Variants in RCC1 observed in about 807,000 individuals in gnomAD.
RCC1 encodes the protein regulator of chromosome condensation 1.
In RCC1, 11 loss-of-function variants were observed where a neutral mutation model predicts 44.4. That is an observed-to-expected ratio of 0.25 (90% confidence interval 0.16 to 0.41). The LOEUF (loss-of-function observed/expected upper bound fraction) is 0.41. Among genes scored for constraint, RCC1 ranks in the 10% least tolerant of loss-of-function variants. RCC1 has a pLI of 1.00. For synonymous variants in RCC1, 213 were observed against 216.5 expected, an observed-to-expected ratio of 0.98 and a Z score of 0.14; for missense variants, 386 against 547.1, an observed-to-expected ratio of 0.71 and a Z score of 2.94.
intron 4 of RCC1, chr1:28,526,899 A>G (rs1041633901): frequency 2.9e-4 from 45 of 156,278 alleles, no homozygotes; most frequent in Non-Finnish European, 4.2e-4. Context: ...TCCGTCTCGG[A>G]AAAAAAAAAA....
intron 3 of RCC1, among the ~76,000 whole-genome samples, chr1:28,511,824 C>A (rs1662562854): frequency 1.3e-5 from 2 of 151,138 alleles, no homozygotes; most frequent in African/African-American, 2.4e-5. Context: ...CCATGCCCGG[C>A]TAATTTTTTT....
chr1:28,536,953 T>TA lies in RCC1; in HGVS notation c.1090+55dup. On this transcript the variant is annotated intron_variant, in intron 12 of 12. Transcript: ENST00000683442. The surrounding 1 kb of genome is among the most constrained non-coding windows in gnomAD (Gnocchi z 4.9). Reference sequence around the variant, plus strand: ...GTTGGGACCTGGGGGTCATGGTTCTTACCCAATTCCCCAATAGGCTGTGAT... The same window carrying TA: ...GTTGGGACCTGGGGGTCATGGTTCTTAACCCAATTCCCCAATAGGCTGTGAT... 3.1e-6 allele frequency: 5 copies of TA among 1,595,576 alleles called. No homozygotes were observed. The highest frequency in any genetic ancestry group is 1.7e-5 in the Admixed American group (1 of 59,380).
chr1:28,512,321 G>A (rs1662612127), intron 3 of RCC1, among the ~76,000 whole-genome samples: 1 of 151,956 alleles, frequency 6.6e-6, no homozygotes, highest in Admixed American at 6.6e-5. Context: ...AGGCAGGCTG[G>A]CACCTTGATC....
intron 4 of RCC1, among the ~76,000 whole-genome samples, chr1:28,528,736 A>G (rs1663866526): frequency 6.9e-6 from 1 of 145,504 alleles, no homozygotes; most frequent in African/African-American, 2.6e-5. Context: ...CGAGGTTACC[A>G]TTGTTAATAT....
intron 4 of RCC1, among the ~76,000 whole-genome samples, chr1:28,523,525 G>A (rs1557873420): frequency 6.6e-6 from 1 of 152,136 alleles, no homozygotes; most frequent in Non-Finnish European, 1.5e-5. Context: ...GATGTTGACT[G>A]GGTTTGTTCC....
In RCC1 at chr1:28,536,658, C is replaced by G. The variant is rs991829105; in HGVS notation, c.938-89C>G. ...TCGCTCTGGGAGCAGGGACACACTC[C>G]CATGGACAGGTGGACTCACCTAGCC... On this transcript the variant is annotated intron_variant, in intron 11 of 12. Transcript: ENST00000683442. This position sits in a 1 kb window ranked among gnomAD's most constrained non-coding sequence, Gnocchi z 4.9. The G allele has an allele frequency of 4.1e-6, 6 of 1,477,402 alleles. No homozygotes were observed. Among genetic ancestry groups the G allele is most frequent in the African/African-American group, 1.4e-5 (1 of 72,466 alleles). The allele number at this position is 1,477,402 out of a possible 1,614,324, so 91.5% of individuals were successfully genotyped here.
rs11810945 is a variant in RCC1 at position 28,506,074 on chromosome 1, T to A, written c.-272T>A. 7.2e-5 allele frequency: 33 copies of A among 456,024 alleles called. No homozygotes were observed. The highest frequency in any genetic ancestry group is 4.2e-4 in the African/African-American group (21 of 50,172). 28.2% of individuals were successfully genotyped at this position (456,024 alleles called of 1,614,324 possible). On this transcript the variant is annotated 5_prime_UTR_variant, in exon 1 of 13. Coordinates refer to ENST00000683442, the MANE Select transcript of RCC1 (RefSeq NM_001381865.2). ...TGGAGACAGATTCGCAGTGGTCGCT[T>A]CTTCTCCTTGGTAAGTGTGATCCTT...
At chr1:28,530,502 G>T in intron 5 of RCC1, 1 of 1,594,178 alleles carries the variant, frequency 6.3e-7, no homozygotes. Flanking sequence ...CCCACGCTCA[G>T]ACAGTGTCTG....
intron 4 of RCC1, chr1:28,527,003 G>A: frequency 1.2e-6 from 1 of 832,038 alleles, no homozygotes; most frequent in Non-Finnish European, 2.1e-6. Flanking sequence ...ATTGACCACG[G>A]CTGTACCCTT....
At chr1:28,518,970 T>A (rs981421379) in intron 4 of RCC1, 1 of 152,294 alleles carries the variant, frequency 6.6e-6, no homozygotes, top group Non-Finnish European at 1.5e-5. Context: ...AAGTCATTCA[T>A]ACGTCACATA....
intron 3 of RCC1, among the ~76,000 whole-genome samples, chr1:28,512,119 C>T (rs182756379): frequency 1.3e-4 from 19 of 151,270 alleles, no homozygotes; most frequent in African/African-American, 3.6e-4. Flanking sequence ...GGATTACAAG[C>T]GCCTGCACCG....
At chr1:28,529,755 G>GCCCAA in intron 4 of RCC1, 103 bp from the exon 5 acceptor site, 1 of 842,292 alleles carries the variant, frequency 1.2e-6, no homozygotes, top group African/African-American at 1.7e-5. Flanking sequence ...GAATTGTTGG[G>GCCCAA]CAATTCCTCT....
chr1:28,538,197 T>A lies in RCC1; in HGVS notation c.*190T>A. The A allele has an allele frequency of 1.6e-5, 6 of 371,190 alleles. No individual in the cohort carries two copies. The highest frequency in any genetic ancestry group is 3.9e-5 in the Admixed American group (1 of 25,350). 23.0% of individuals were successfully genotyped at this position (371,190 alleles called of 1,614,324 possible). ...TCCTCTTTGGAATTTTCCTGGGACC[T>A]ACAGAATAAAGGGGGGGATGGACAG... is the stretch of plus-strand genomic sequence containing the variant. On this transcript the variant is annotated 3_prime_UTR_variant, in exon 13 of 13. Transcript: ENST00000683442.
intron 1 of RCC1, 187 bp downstream of exon 1, chr1:28,506,271 G>T: frequency 2.3e-6 from 1 of 442,972 alleles, no homozygotes; most frequent in South Asian, 1.6e-5. Flanking sequence ...TGCAACCTCC[G>T]CCTGCCGGGT....
intron 3 of RCC1, among the ~76,000 whole-genome samples, chr1:28,512,649 C>A (rs959970519): frequency 1.3e-5 from 2 of 152,116 alleles, no homozygotes; most frequent in Non-Finnish European, 2.9e-5. Context: ...TAAATTTCCT[C>A]CAGATACTGT....
rs749941793 is a variant in RCC1, at chr1:28,529,843, TTGAC to T, written c.-9-9_-9-6del. On this transcript the variant is annotated splice_polypyrimidine_tract_variant and intron_variant, in intron 4 of 12. Coordinates refer to ENST00000683442, the MANE Select transcript of RCC1 (RefSeq NM_001381865.2). ...GTTTGCCATTTCTCATATGTAGTAT[TTGAC>T]TGACTTTCAGGACAGGAAGATGTCA... The T allele has an allele frequency of 6.2e-7, 1 of 1,609,862 alleles. No homozygotes were observed. The highest frequency in any genetic ancestry group is 8.5e-7 in the Non-Finnish European group (1 of 1,176,156).
chr1:28,533,970 C>T (rs1283371691), intron 7 of RCC1, among the ~76,000 whole-genome samples: 36 of 141,464 alleles, frequency 2.5e-4, no homozygotes, highest in African/African-American at 4.9e-4. Flanking sequence ...CTCTGCCTCT[C>T]GGGCTCAAGC....
chr1:28,527,385 G>A (rs951442126), intron 4 of RCC1, among the ~76,000 whole-genome samples: 1 of 152,136 alleles, frequency 6.6e-6, no homozygotes. Flanking sequence ...GACTTCAGGC[G>A]TGCACCACCA....
intron 4 of RCC1, chr1:28,518,413 C>A (rs376143326): frequency 6.6e-6 from 1 of 151,752 alleles, no homozygotes; most frequent in Non-Finnish European, 1.5e-5. Context: ...TCGCTGCCCG[C>A]TCTCGCCCGT....
Sources: allele counts gnomAD v4.1 joint callset (sites outside exome capture counted in the v4.1 genomes callset), GRCh38; gene constraint gnomAD v4.1.1; non-coding constraint Gnocchi (gnomAD v3.1); transcripts MANE v1.5; gene names NCBI Gene and HGNC (gene_info 2026-07-23, HGNC 2026-07-21).